KBTBD2: variants seen among roughly 807,000 people sequenced by gnomAD.
KBTBD2 encodes kelch repeat and BTB domain-containing protein 2.
KBTBD2 carries 17 observed loss-of-function variants against 57.1 expected under a neutral mutation model. The ratio of observed to expected loss-of-function variants is 0.30; its 90% CI spans 0.20 to 0.45. The LOEUF (loss-of-function observed/expected upper bound fraction) is 0.45. Among genes scored for constraint, KBTBD2 ranks in the 20% least tolerant of loss-of-function variants. KBTBD2 has a pLI of 1.00. For missense variants in KBTBD2, 515 were observed against 750.6 expected (o/e 0.69, Z 3.67); for synonymous variants, 267 against 262.7 (o/e 1.02, Z -0.16).
At chr7:32,887,117 T>C (rs1463089270) in intron 1 of KBTBD2, among the ~76,000 whole-genome samples, 5 of 152,088 alleles carry the variant, frequency 3.3e-5, no homozygotes, top group Non-Finnish European at 1.5e-5. Context: ...AGGCAGAATA[T>C]AGAGACTGAG....
chr7:32,879,422 TA>T lies in KBTBD2; in HGVS notation c.170+12del. 2 of 1,548,042 alleles carry T rather than the reference TA, an allele frequency of 1.3e-6. No homozygotes were observed. The highest frequency in any genetic ancestry group is 1.8e-6 in the Non-Finnish European group (2 of 1,136,824). ...TTCAAAGAATTTCTATTTAAAACAT[TA>T]AAAGTACTTACCTGAAATAAGAGCT... is the stretch of plus-strand genomic sequence containing the variant. On this transcript the variant is annotated intron_variant, in intron 2 of 3. Coordinates refer to ENST00000304056, the MANE Select transcript of KBTBD2 (RefSeq NM_015483.3).
chr7:32,874,984 A>G lies in KBTBD2; in HGVS notation c.336+8T>C. ...AGACTCCGTCTAAAAAAATATATAT[A>G]TGCTTACCTGTAGGAAGCAAGCTGT... On this transcript the variant is annotated splice_region_variant and intron_variant, in intron 3 of 3. Transcript: ENST00000304056. The G allele has an allele frequency of 6.2e-7, 1 of 1,611,918 alleles. No homozygotes were observed. The highest frequency in any genetic ancestry group is 8.5e-7 in the Non-Finnish European group (1 of 1,178,194).
At position 32,879,633 on chromosome 7, in the gene KBTBD2, C is replaced by A. The variant is rs369309980; in HGVS notation, c.-29G>T. On this transcript the variant is annotated 5_prime_UTR_variant, in exon 2 of 4. Coordinates refer to ENST00000304056, the MANE Select transcript of KBTBD2 (RefSeq NM_015483.3). The stretch of plus-strand genomic sequence containing the variant: ...TGTATTCCATTAATATCTCCAGGAA[C>A]AGATTAGAAAAGTCCGTCTTACTGA... The A allele has an allele frequency of 1.0e-4, 162 of 1,597,514 alleles. No individual in the cohort carries two copies. Among genetic ancestry groups the A allele is most frequent in the Non-Finnish European group, 1.4e-4 (161 of 1,169,412 alleles).
Position 32,868,257 on chromosome 7 carries a change from T to C in KBTBD2, c.*1088A>G, listed in dbSNP as rs1163469871. On this transcript the variant is annotated 3_prime_UTR_variant, in exon 4 of 4. Coordinates refer to ENST00000304056, the MANE Select transcript of KBTBD2 (RefSeq NM_015483.3). The stretch of plus-strand genomic sequence containing the variant: ...GTGCAGTTGAACATGCTAGTAATGT[T>C]TGTCATGAAGCACCTGTGCTCATGT... 1.3e-5 allele frequency: 2 copies of C among 152,602 alleles called. No individual in the cohort carries two copies. The highest frequency in any genetic ancestry group is 4.8e-5 in the African/African-American group (2 of 41,456). The allele number at this position is 152,602 out of a possible 1,614,324, so 9.5% of individuals were successfully genotyped here. A position where few individuals can be genotyped will look rare whatever the true frequency, so the allele number is the denominator to read the frequency against.
intron 3 of KBTBD2, among the ~76,000 whole-genome samples, chr7:32,872,730 C>T (rs1784212145): frequency 1.3e-5 from 2 of 152,142 alleles, no homozygotes; most frequent in Admixed American, 1.3e-4. Flanking sequence ...GCTCCAAAAA[C>T]TGAAATGTTT....
chr7:32,874,831 T>C, intron 3 of KBTBD2, 161 bp downstream of exon 3: 1 of 521,802 alleles, frequency 1.9e-6, no homozygotes. Context: ...GTACTAAAAA[T>C]ACAAAAATTA....
chr7:32,888,776 C>A (rs376962670), intron 1 of KBTBD2, among the ~76,000 whole-genome samples: 5 of 151,946 alleles, frequency 3.3e-5, no homozygotes, highest in African/African-American at 1.2e-4. Context: ...CTCTTTCCAA[C>A]CATACTGATA....
At position 32,869,354 on chromosome 7, in the gene KBTBD2, TG is replaced by T; in HGVS notation, c.1862del (p.Pro621HisfsTer13). 5 of 1,607,134 alleles carry T rather than the reference TG, an allele frequency of 3.1e-6. No individual in the cohort carries two copies. The highest frequency in any genetic ancestry group is 3.4e-6 in the Non-Finnish European group (4 of 1,175,660). ...TCCCTGAACTTCCCCACTATACAGG[TG>T]GTAGTGCAACCATTTCTCCATCCAG... is the stretch of plus-strand genomic sequence containing the variant. ...FELDGEMVAL[P>X]PV On this transcript the variant is annotated frameshift_variant, in exon 4 of 4. Transcript: ENST00000304056. LOFTEE classifies it high-confidence loss of function.
chr7:32,891,890 GC>G (rs1224676872), upstream of KBTBD2: 1 of 28,906 alleles, frequency 3.5e-5, no homozygotes, highest in Non-Finnish European at 7.2e-5. Flanking sequence ...CGCCCCCGCC[GC>G]CCCCGCCCCC....
intron 1 of KBTBD2, among the ~76,000 whole-genome samples, chr7:32,889,613 G>C (rs1467933994): frequency 6.6e-6 from 1 of 151,982 alleles, no homozygotes; most frequent in Non-Finnish European, 1.5e-5. Flanking sequence ...AAAATTACTT[G>C]AGATCAACCT....
intron 3 of KBTBD2, among the ~76,000 whole-genome samples, chr7:32,871,785 G>A (rs1271443846): frequency 1.3e-5 from 2 of 152,098 alleles, no homozygotes; most frequent in Non-Finnish European, 2.9e-5. Flanking sequence ...CACTTCATGT[G>A]GTTGATAGTG....
In KBTBD2 at chr7:32,875,064, A is replaced by AT; in HGVS notation, c.263dup (p.Tyr88Ter). 6.2e-7 allele frequency: 1 copy of AT among 1,614,192 alleles called. No homozygotes were observed. The highest frequency in any genetic ancestry group is 8.5e-7 in the Non-Finnish European group (1 of 1,180,008). Residue 88 changes from tyrosine to a stop codon, truncating the protein, a stop_gained and frameshift_variant, in exon 3 of 4, where the codon TAT becomes TAAT. Coordinates refer to ENST00000304056, the MANE Select transcript of KBTBD2 (RefSeq NM_015483.3). LOFTEE classifies it high-confidence loss of function. ...DAATLQIIIT[Y>*]AYTGNLAMND... is the part of the protein sequence containing the mutation. The stretch of plus-strand genomic sequence containing the variant: ...TCATTGCCAAGTTACCCGTGTATGC[A>AT]TAAGTTATTATTATCTGTAAGGTGG...
In KBTBD2 at chr7:32,877,543, A is replaced by G. The variant is rs571969762; in HGVS notation, c.170+1892T>C. Among the ~76,000 whole-genome samples, 9 of 152,312 alleles carry G rather than the reference A, an allele frequency of 5.9e-5. No homozygotes were observed. In the South Asian group the frequency reaches 1.4e-3, roughly 25 times the overall value. ...AAGAATGTATTTAGTTCAGAAGGCA[A>G]AATCTCTACAGTAGATGTATAGGAG... On this transcript the variant is annotated intron_variant, in intron 2 of 3. Coordinates refer to ENST00000304056, the MANE Select transcript of KBTBD2 (RefSeq NM_015483.3).
At chr7:32,873,255 G>C (rs1186816527) in intron 3 of KBTBD2, among the ~76,000 whole-genome samples, 1 of 151,988 alleles carries the variant, frequency 6.6e-6, no homozygotes, top group Non-Finnish European at 1.5e-5. Flanking sequence ...ACCATCACTT[G>C]TTTTGTTTAA....
chr7:32,874,047 G>C (rs1409148075), intron 3 of KBTBD2, among the ~76,000 whole-genome samples: 2 of 151,918 alleles, frequency 1.3e-5, no homozygotes, highest in Non-Finnish European at 1.5e-5. Flanking sequence ...AGGATTGCTT[G>C]AGCCTGGGAT....
chr7:32,891,058 C>A (rs1409711270), intron 1 of KBTBD2: 2 of 152,168 alleles, frequency 1.3e-5, no homozygotes, highest in African/African-American at 2.4e-5. Context: ...TTCGTCTAGA[C>A]CTCTCTTGGT....
intron 1 of KBTBD2, among the ~76,000 whole-genome samples, chr7:32,881,785 G>A (rs1458920945): frequency 6.6e-6 from 1 of 152,170 alleles, no homozygotes; most frequent in East Asian, 1.9e-4. Flanking sequence ...GTGTTGTTGA[G>A]GGTGTGGAAA....
intron 1 of KBTBD2, among the ~76,000 whole-genome samples, chr7:32,889,511 G>C (rs139852383): frequency 6.6e-6 from 1 of 151,996 alleles, no homozygotes; most frequent in Non-Finnish European, 1.5e-5. Context: ...TGAAGCAGGA[G>C]AATCACTTGA....
intron 1 of KBTBD2, among the ~76,000 whole-genome samples, chr7:32,882,971 C>G (rs1708450049): frequency 6.6e-6 from 1 of 152,156 alleles, no homozygotes; most frequent in Non-Finnish European, 1.5e-5. Context: ...AGTCACAGAG[C>G]AAGACTCCGT....
Sources: allele counts gnomAD v4.1 joint callset (sites outside exome capture counted in the v4.1 genomes callset), GRCh38; gene constraint gnomAD v4.1.1; transcripts MANE v1.5; gene names NCBI Gene and HGNC (gene_info 2026-07-23, HGNC 2026-07-21).